The following DNER variants were observed in gnomAD, a reference collection of about 807,000 sequenced individuals.
DNER encodes the protein delta and Notch-like epidermal growth factor-related receptor.
DNER carries 33 observed loss-of-function variants against 78.2 expected under a neutral mutation model. The observed-to-expected ratio is 0.42, with a 90% CI of 0.32 to 0.56. The LOEUF is 0.56. Ranked by LOEUF, DNER falls within the 20% of genes least tolerant of loss-of-function variation. The pLI is 0.11. For missense variants in DNER, 918 were observed against 975.3 expected (o/e 0.94, Z 0.78); for synonymous variants, 417 against 384.8 (o/e 1.08, Z -0.98).
chr2:229,452,737 C>T (rs1002012692), intron 7 of DNER, among the ~76,000 whole-genome samples: 1 of 152,222 alleles, frequency 6.6e-6, no homozygotes, highest in Non-Finnish European at 1.5e-5. Context: ...CAAGCATTCT[C>T]TTGCCTCAGC....
intron 1 of DNER, among the ~76,000 whole-genome samples, chr2:229,660,918 A>C (rs1016379322): frequency 5.3e-5 from 8 of 152,198 alleles, no homozygotes; most frequent in Admixed American, 5.2e-4. Flanking sequence ...CATCAGAAGA[A>C]AGATAATTAC....
At chr2:229,362,404 T>C (rs372485016) in intron 12 of DNER, among the ~76,000 whole-genome samples, 1 of 152,176 alleles carries the variant, frequency 6.6e-6, no homozygotes, top group South Asian at 2.1e-4. Context: ...GACGACCCCA[T>C]AAACTGAAGC....
chr2:229,595,761 G>A (rs999563029), intron 1 of DNER, among the ~76,000 whole-genome samples: 4 of 152,180 alleles, frequency 2.6e-5, no homozygotes, highest in Non-Finnish European at 4.4e-5. Context: ...ACCCTCTGCC[G>A]GGAATGCCTT....
chr2:229,635,361 GA>G (rs58220819), intron 1 of DNER, among the ~76,000 whole-genome samples: 13,703 of 85,248 alleles, frequency 0.16, 569 homozygotes, highest in East Asian at 0.25. Flanking sequence ...GGTCCCACAG[GA>G]AAAAAAAAAA....
chr2:229,524,214 G>A (rs1367918592), intron 5 of DNER, among the ~76,000 whole-genome samples: 1 of 152,112 alleles, frequency 6.6e-6, no homozygotes, highest in African/African-American at 2.4e-5. Context: ...GCATAGCCAG[G>A]GAAAACACGA....
intron 1 of DNER, among the ~76,000 whole-genome samples, chr2:229,677,188 T>C (rs1254146839): frequency 1.3e-5 from 2 of 152,204 alleles, no homozygotes; most frequent in African/African-American, 4.8e-5. Flanking sequence ...TCAGGGATGA[T>C]GTCTTTGGTT....
At chr2:229,465,889 T>C (rs1485671618) in intron 7 of DNER, among the ~76,000 whole-genome samples, 3 of 151,950 alleles carry the variant, frequency 2.0e-5, no homozygotes, top group Non-Finnish European at 4.4e-5. Flanking sequence ...AGCACCCCCG[T>C]ATATCAAGTC....
At chr2:229,698,247 G>A (rs1699690267) in intron 1 of DNER, among the ~76,000 whole-genome samples, 1 of 152,000 alleles carries the variant, frequency 6.6e-6, no homozygotes, top group Non-Finnish European at 1.5e-5. Context: ...AAATGTGGAA[G>A]GGCAAAGTGA....
chr2:229,697,679 G>A (rs2154217556), intron 1 of DNER, among the ~76,000 whole-genome samples: 2 of 152,224 alleles, frequency 1.3e-5, no homozygotes, highest in East Asian at 3.9e-4. Flanking sequence ...GTGGTCAGAG[G>A]CCTAAGAATA....
chr2:229,472,348 G>T (rs1574858445), intron 7 of DNER, among the ~76,000 whole-genome samples: 1 of 152,320 alleles, frequency 6.6e-6, no homozygotes, highest in East Asian at 1.9e-4. Flanking sequence ...TCCAGAAGGG[G>T]ATGGTCATGC....
chr2:229,420,056 G>C (rs1405577693), intron 8 of DNER, among the ~76,000 whole-genome samples: 1 of 151,544 alleles, frequency 6.6e-6, no homozygotes, highest in African/African-American at 2.4e-5. Context: ...TTCTAGACCA[G>C]GGGTCAGCAA....
At chr2:229,675,359 A>AACACCTACCAACTGCCAGGCACT (rs1237279462) in intron 1 of DNER, among the ~76,000 whole-genome samples, 2 of 152,168 alleles carry the variant, frequency 1.3e-5, no homozygotes, top group Non-Finnish European at 2.9e-5. Flanking sequence ...TGCCAACCTC[A>AACACCTACCAACTGCCAGGCACT]ACACCTACCA....
At chr2:229,650,268 A>G (rs1698793028) in intron 1 of DNER, among the ~76,000 whole-genome samples, 2 of 152,062 alleles carry the variant, frequency 1.3e-5, no homozygotes, top group South Asian at 4.1e-4. Flanking sequence ...TCCCTCACTA[A>G]ACTATTCTCC....
intron 11 of DNER, among the ~76,000 whole-genome samples, chr2:229,376,552 A>G (rs1260667794): frequency 6.6e-6 from 1 of 152,214 alleles, no homozygotes; most frequent in African/African-American, 2.4e-5. Flanking sequence ...TTATCTATCA[A>G]TGGGGGTCTG....
At chr2:229,541,942 T>A (rs1390388360) in intron 5 of DNER, among the ~76,000 whole-genome samples, 29 of 147,248 alleles carry the variant, frequency 2.0e-4, no homozygotes, top group Non-Finnish European at 3.4e-4. Flanking sequence ...TATATTTATA[T>A]ATACTTTATA....
intron 1 of DNER, among the ~76,000 whole-genome samples, chr2:229,652,708 A>G (rs1328906899): frequency 6.6e-6 from 1 of 152,210 alleles, no homozygotes; most frequent in African/African-American, 2.4e-5. Flanking sequence ...AGCAGGCAAA[A>G]AATCAATTTT....
Position 229,714,326 on chromosome 2 carries a change from A to G in DNER, c.98T>C (p.Leu33Pro), listed in dbSNP as rs1699960220. ...LLGAGPRGSS[L>P]ANPVPAAPLS... ...GGGCGCGGCGGGCACCGGGTTGGCC[A>G]GGGAGCTGCCTCGGGGCCCCGCTCC... Residue 33 changes from leucine (L) to proline (P), a missense_variant, in exon 1 of 13, where the codon CTG (leucine) becomes CCG (proline). Coordinates refer to ENST00000341772, the MANE Select transcript of DNER (RefSeq NM_139072.4). The G allele has an allele frequency of 5.5e-6, 7 of 1,277,514 alleles. No homozygotes were observed. The highest frequency in any genetic ancestry group is 2.7e-5 in the South Asian group (1 of 37,244). 79.1% of individuals were successfully genotyped at this position (1,277,514 alleles called of 1,614,324 possible). A position where few individuals can be genotyped will look rare whatever the true frequency, so the allele number is the denominator to read the frequency against.
At position 229,481,146 on chromosome 2, in the gene DNER, G is replaced by A. The variant is rs545296617; in HGVS notation, c.1148-3893C>T. ...CCACCCCAGTCTCCCTGGAAAGGGA[G>A]GGGCCCTTTGGCAGGACAGTTGCTT... On this transcript the variant is annotated intron_variant, in intron 6 of 12. Transcript: ENST00000341772. 2.6e-5 allele frequency among the ~76,000 whole-genome samples: 4 copies of A among 152,316 alleles called. No individual in the cohort carries two copies. The South Asian group carries it at 6.2e-4, about 24-fold the overall frequency.
chr2:229,492,785 C>T (rs182373271), intron 6 of DNER, among the ~76,000 whole-genome samples: 151 of 152,312 alleles, frequency 9.9e-4, no homozygotes, highest in African/African-American at 3.6e-3. Context: ...CCTCCTGCGG[C>T]AGCCTCTGAA....
Sources: gnomAD v4.1 joint callset for allele counts (sites outside exome capture counted in the v4.1 genomes callset) on GRCh38, gnomAD v4.1.1 for gene constraint, MANE v1.5 for transcripts, NCBI Gene and HGNC (gene_info 2026-07-23, HGNC 2026-07-21) for gene names.